The following LMO7 variants were observed in gnomAD, a reference collection of about 807,000 sequenced individuals.
The protein encoded by LMO7 is LIM domain 7, also known as LIM domain only protein 7.
In LMO7, 120 loss-of-function variants were observed where a neutral mutation model predicts 206.5. That is an observed-to-expected ratio of 0.58 (90% CI 0.50 to 0.68). The LOEUF (loss-of-function observed/expected upper bound fraction) is 0.68. Ranked by LOEUF, LMO7 falls within the 30% of genes least tolerant of loss-of-function variation. LMO7 has a pLI of 0.00. For synonymous variants in LMO7, 706 were observed against 681.5 expected (o/e 1.04, Z -0.56); for missense variants, 1,959 against 1,957.9 (o/e 1.00, Z -0.01).
At chr13:75,796,231 A>G (rs1031164571) in intron 5 of LMO7, among the ~76,000 whole-genome samples, 10 of 152,234 alleles carry the variant, frequency 6.6e-5, no homozygotes, top group African/African-American at 2.4e-4. Context: ...AAAATGTTGC[A>G]GCTTTATTAA....
At chr13:75,798,271 G>A (rs1196180384) in intron 6 of LMO7, among the ~76,000 whole-genome samples, 2 of 152,180 alleles carry the variant, frequency 1.3e-5, no homozygotes, top group East Asian at 1.9e-4. Flanking sequence ...TCGGGAGGCC[G>A]AGGCAGGAGA....
intron 3 of LMO7, among the ~76,000 whole-genome samples, chr13:75,735,646 A>G (rs970771930): frequency 7.6e-6 from 1 of 130,998 alleles, no homozygotes. Context: ...TTTTTTTTGT[A>G]TTTTTTTTTA....
intron 20 of LMO7, chr13:75,838,452 G>GA (rs2059324452): frequency 4.3e-5 from 5 of 116,782 alleles, no homozygotes; most frequent in South Asian, 2.9e-4. Context: ...TTTTAACTTT[G>GA]TAAAAAAAAA....
intron 15 of LMO7, among the ~76,000 whole-genome samples, chr13:75,832,111 G>C (rs1384559345): frequency 6.6e-6 from 1 of 152,140 alleles, no homozygotes; most frequent in East Asian, 1.9e-4. Context: ...AGGAAACAGA[G>C]CTGAAACACT....
At chr13:75,629,115 G>T (rs2034584801) in intron 2 of LMO7, among the ~76,000 whole-genome samples, 2 of 152,150 alleles carry the variant, frequency 1.3e-5, no homozygotes, top group Admixed American at 6.5e-5. Flanking sequence ...TGATGCACAG[G>T]ACAATCCTCC....
chr13:75,720,663 C>T (rs975056472), intron 2 of LMO7, among the ~76,000 whole-genome samples: 6 of 152,178 alleles, frequency 3.9e-5, no homozygotes, highest in Middle Eastern at 3.2e-3. Context: ...GCTAGACTTA[C>T]TTCAGGATGC....
intron 12 of LMO7, among the ~76,000 whole-genome samples, chr13:75,818,919 T>C (rs2057317437): frequency 6.6e-6 from 1 of 152,202 alleles, no homozygotes; most frequent in African/African-American, 2.4e-5. Flanking sequence ...GTTCCTACAC[T>C]TGGGCCTGCC....
intron 3 of LMO7, among the ~76,000 whole-genome samples, chr13:75,737,777 TAAAATAAA>T (rs2046000999): frequency 1.3e-4 from 3 of 22,712 alleles, no homozygotes; most frequent in Admixed American, 8.7e-4. Context: ...TAAAATAAAA[TAAAATAAA>T]AAAAAAAAAA....
rs1357273927 is a variant in LMO7 at position 75,760,979 on chromosome 13, A to G, written c.258A>G (p.Lys86=). ...FLKACEQIGL[K]EAQLFHPGDL... is the part of the protein sequence containing the mutation. ...AAGCTTGTGAACAGATTGGATTGAA[A>G]GAAGCCCAGCTTTTCCATCCTGGAG... is the stretch of plus-strand genomic sequence containing the variant. The change falls in exon 4 of 31, where the codon AAA becomes AAG. Residue 86 remains lysine (K), a synonymous_variant. Transcript: ENST00000377534. 1 of 1,613,534 alleles carries G rather than the reference A, an allele frequency of 6.2e-7. No individual in the cohort carries two copies. The highest frequency in any genetic ancestry group is 8.5e-7 in the Non-Finnish European group (1 of 1,179,758).
chr13:75,706,854 TA>T (rs937024109), intron 1 of LMO7, among the ~76,000 whole-genome samples: 4 of 152,176 alleles, frequency 2.6e-5, no homozygotes, highest in African/African-American at 7.2e-5. Flanking sequence ...ACTGAGTACT[TA>T]TAAAATGCTG....
intron 6 of LMO7, among the ~76,000 whole-genome samples, chr13:75,798,832 C>T (rs1358986453): frequency 6.6e-6 from 1 of 152,170 alleles, no homozygotes; most frequent in African/African-American, 2.4e-5. Context: ...AGCCAGGCAC[C>T]AGGGCCAAAG....
intron 1 of LMO7, among the ~76,000 whole-genome samples, chr13:75,658,783 G>A (rs923400480): frequency 6.6e-6 from 1 of 151,612 alleles, no homozygotes; most frequent in Non-Finnish European, 1.5e-5. Flanking sequence ...TAGAGACGGG[G>A]TTTCACTGTG....
chr13:75,788,191 T>C (rs1328733407), intron 4 of LMO7, among the ~76,000 whole-genome samples: 1 of 152,166 alleles, frequency 6.6e-6, no homozygotes, highest in Non-Finnish European at 1.5e-5. Context: ...TTATGACACC[T>C]ACACTTTTCT....
At chr13:75,752,275 C>T (rs770534900) in intron 3 of LMO7, among the ~76,000 whole-genome samples, 10 of 151,536 alleles carry the variant, frequency 6.6e-5, no homozygotes, top group South Asian at 2.1e-4. Context: ...GAATTACAGG[C>T]GCCCGCCACT....
intron 1 of LMO7, among the ~76,000 whole-genome samples, chr13:75,647,951 C>CTTT (rs570513211): frequency 6.6e-5 from 6 of 91,132 alleles, no homozygotes; most frequent in East Asian, 7.7e-4. Flanking sequence ...TCTTTTCTTT[C>CTTT]TTTTTTTTTT....
intron 1 of LMO7, among the ~76,000 whole-genome samples, chr13:75,709,437 C>T (rs1467900018): frequency 1.6e-4 from 24 of 151,720 alleles, no homozygotes; most frequent in Admixed American, 1.6e-3. Context: ...GTTCCTATTT[C>T]TCCATATCCT....
chr13:75,634,898 C>T (rs1453282700), upstream of LMO7, among the ~76,000 whole-genome samples: 1 of 151,824 alleles, frequency 6.6e-6, no homozygotes, highest in East Asian at 1.9e-4. Context: ...CCCAGCTGCT[C>T]GAGAGGCTAA....
At chr13:75,820,997 CAA>C (rs33919449) in intron 13 of LMO7, among the ~76,000 whole-genome samples, 178 bp from the exon 14 acceptor site, 13,105 of 126,690 alleles carry the variant, frequency 0.1, 645 homozygotes, top group African/African-American at 0.16. Context: ...GATTCGGTCT[CAA>C]AAAAAAAAAA....
intron 11 of LMO7, among the ~76,000 whole-genome samples, chr13:75,809,916 C>T (rs1335807511): frequency 6.7e-6 from 1 of 148,306 alleles, no homozygotes; most frequent in African/African-American, 2.5e-5. Flanking sequence ...ACAGCAACTT[C>T]CACCTCCCAG....
Sources: gnomAD v4.1 joint callset for allele counts (sites outside exome capture counted in the v4.1 genomes callset) on GRCh38, gnomAD v4.1.1 for gene constraint, MANE v1.5 for transcripts, NCBI Gene and HGNC (gene_info 2026-07-23, HGNC 2026-07-21) for gene names.